Variants in PPIP5K2 observed in about 807,000 individuals in gnomAD.
PPIP5K2 encodes diphosphoinositol pentakisphosphate kinase 2, also known as inositol hexakisphosphate and diphosphoinositol-pentakisphosphate kinase 2.
In PPIP5K2, 105 loss-of-function variants were observed where a neutral mutation model predicts 154.6. The observed-to-expected ratio is 0.68, with a 90% CI of 0.58 to 0.80. The LOEUF (loss-of-function observed/expected upper bound fraction) is 0.80, where lower values mean the gene tolerates loss of function less well. Ranked by LOEUF, PPIP5K2 falls within the 30% of genes least tolerant of loss-of-function variation. The pLI, the probability that PPIP5K2 is intolerant of heterozygous loss-of-function variation, is 0.00. For missense variants in PPIP5K2, 992 were observed against 1,504.6 expected, an observed-to-expected ratio of 0.66 and a Z score of 5.64; for synonymous variants, 480 against 490.3, an observed-to-expected ratio of 0.98 and a Z score of 0.28.
At chr5:103,156,032 G>T in intron 14 of PPIP5K2, 38 bp downstream of exon 14, 1 of 1,332,966 alleles carries the variant, frequency 7.5e-7, no homozygotes. Context: ...AGTTTTATAT[G>T]TAGTAACTTG....
chr5:103,184,811 ACT>A (rs1238849832), intron 26 of PPIP5K2, 67 bp downstream of exon 26: 1 of 1,268,574 alleles, frequency 7.9e-7, no homozygotes, highest in Non-Finnish European at 1.1e-6. Flanking sequence ...CACATGTAAA[ACT>A]CTTTGGTGAA....
At chr5:103,124,162 C>T (rs1016719210) in intron 1 of PPIP5K2, among the ~76,000 whole-genome samples, 1 of 151,756 alleles carries the variant, frequency 6.6e-6, no homozygotes, top group African/African-American at 2.4e-5. Flanking sequence ...TGCCTGTAGT[C>T]CCAGCTACTT....
chr5:103,145,652 A>G (rs986621643), intron 5 of PPIP5K2, among the ~76,000 whole-genome samples: 1 of 151,622 alleles, frequency 6.6e-6, no homozygotes, highest in Non-Finnish European at 1.5e-5. Flanking sequence ...GAAAGATTGC[A>G]TGTTTTCACG....
At chr5:103,167,760 T>C (rs1445278861) in intron 18 of PPIP5K2, among the ~76,000 whole-genome samples, 3 of 151,914 alleles carry the variant, frequency 2.0e-5, no homozygotes, top group African/African-American at 7.2e-5. Context: ...CACTTAGTTA[T>C]GTGAGTCTAA....
intron 21 of PPIP5K2, among the ~76,000 whole-genome samples, chr5:103,175,978 A>G (rs1268710439): frequency 6.6e-6 from 1 of 152,138 alleles, no homozygotes; most frequent in African/African-American, 2.4e-5. Context: ...AGAATCTGTA[A>G]GTAATATAAT....
At chr5:103,161,248 T>C (rs1554215665) in intron 17 of PPIP5K2, among the ~76,000 whole-genome samples, 1 of 152,134 alleles carries the variant, frequency 6.6e-6, no homozygotes, top group African/African-American at 2.4e-5. Flanking sequence ...CTGAGAATGA[T>C]GGTTTCCAGC....
At chr5:103,154,619 G>T in intron 11 of PPIP5K2, 51 bp from the exon 12 acceptor site, 1 of 1,075,584 alleles carries the variant, frequency 9.3e-7, no homozygotes. Context: ...AACATATATT[G>T]GTAATGTTAA....
chr5:103,138,453 C>T lies in PPIP5K2; in HGVS notation c.471C>T (p.Asp157=). 2 of 1,599,674 alleles carry T rather than the reference C, an allele frequency of 1.3e-6. No individual in the cohort carries two copies. Among genetic ancestry groups the T allele is most frequent in the East Asian group, 2.2e-5 (1 of 44,468 alleles). Residue 157 remains aspartate, a synonymous_variant, in exon 5 of 31, where the codon GAC becomes GAT. Transcript: ENST00000358359. The part of the protein sequence containing the change: ...LLPRYAILNR[D]PNNPKECNLI... Reference sequence around the variant, plus strand: ...CTCGTTATGCTATTTTGAACCGTGACCCAAATAATCCCAAAGGTAAGAGTA... The same window carrying T: ...CTCGTTATGCTATTTTGAACCGTGATCCAAATAATCCCAAAGGTAAGAGTA...
At chr5:103,156,765 TTG>T (rs1580227392) in intron 14 of PPIP5K2, among the ~76,000 whole-genome samples, 4 of 152,268 alleles carry the variant, frequency 2.6e-5, no homozygotes, top group East Asian at 1.9e-4. Flanking sequence ...TACTTATGCT[TTG>T]ACCTGAATTC....
At chr5:103,190,780 T>C in intron 28 of PPIP5K2, 62 bp from the exon 29 acceptor site, 1 of 1,447,744 alleles carries the variant, frequency 6.9e-7, no homozygotes, top group Non-Finnish European at 9.3e-7. Flanking sequence ...TCTTCCTTTC[T>C]AATTACTGAT....
intron 24 of PPIP5K2, among the ~76,000 whole-genome samples, chr5:103,181,842 T>C (rs887374653): frequency 6.6e-5 from 10 of 152,140 alleles, no homozygotes; most frequent in African/African-American, 2.4e-4. Context: ...GTGCTCCAGT[T>C]TGACAATTTT....
intron 2 of PPIP5K2, among the ~76,000 whole-genome samples, chr5:103,130,016 A>G (rs1554202181): frequency 6.6e-6 from 1 of 152,226 alleles, no homozygotes; most frequent in Non-Finnish European, 1.5e-5. Flanking sequence ...GTAGAAATAC[A>G]TAACAAATAA....
chr5:103,140,448 G>T (rs1353722922), intron 5 of PPIP5K2, among the ~76,000 whole-genome samples: 1 of 152,194 alleles, frequency 6.6e-6, no homozygotes, highest in Non-Finnish European at 1.5e-5. Flanking sequence ...TGATACAACT[G>T]GCAGCTGACA....
intron 17 of PPIP5K2, 107 bp downstream of exon 17, chr5:103,159,435 C>T: frequency 1.1e-6 from 1 of 919,200 alleles, no homozygotes. Flanking sequence ...AGCAAATACA[C>T]ATGTTATCAT....
chr5:103,141,066 G>C (rs567861059), intron 5 of PPIP5K2, among the ~76,000 whole-genome samples: 2 of 152,160 alleles, frequency 1.3e-5, no homozygotes, highest in East Asian at 1.9e-4. Context: ...GGGTGCAGTG[G>C]CTCACGTCTG....
At chr5:103,201,246 G>T (rs1358098541) in intron 30 of PPIP5K2, among the ~76,000 whole-genome samples, 5 of 152,198 alleles carry the variant, frequency 3.3e-5, no homozygotes, top group African/African-American at 1.2e-4. Context: ...ACAATGGATG[G>T]TAGTTAAAAA....
chr5:103,150,867 T>TA (rs35437396), intron 8 of PPIP5K2, among the ~76,000 whole-genome samples: 1 of 124,414 alleles, frequency 8.0e-6, no homozygotes, highest in African/African-American at 2.9e-5. Context: ...TTTTTTTTTT[T>TA]ATTAACATGG....
chr5:103,133,385 A>G (rs1554203207), intron 2 of PPIP5K2, 68 bp from the exon 3 acceptor site: 1 of 1,353,984 alleles, frequency 7.4e-7, no homozygotes, highest in African/African-American at 1.5e-5. Flanking sequence ...TTGGAAAACA[A>G]ATGAAGATAG....
intron 25 of PPIP5K2, chr5:103,184,414 C>T (rs992906016): frequency 1.8e-5 from 5 of 282,640 alleles, no homozygotes; most frequent in African/African-American, 1.1e-4. Flanking sequence ...CTCTTAATTG[C>T]TTCTTTTCAT....
Sources: gnomAD v4.1 joint callset for allele counts (sites outside exome capture counted in the v4.1 genomes callset) on GRCh38, gnomAD v4.1.1 for gene constraint, MANE v1.5 for transcripts, NCBI Gene and HGNC (gene_info 2026-07-23, HGNC 2026-07-21) for gene names.